COL26A1: variants seen among roughly 807,000 people sequenced by gnomAD.
COL26A1 encodes collagen type XXVI alpha 1 chain, also known as collagen alpha-1(XXVI) chain.
In COL26A1, 41 loss-of-function variants were observed where a neutral mutation model predicts 59.3. The observed-to-expected ratio is 0.69, with a 90% CI of 0.54 to 0.90. The LOEUF (loss-of-function observed/expected upper bound fraction) is 0.90, where lower values mean the gene tolerates loss of function less well. Ranked by LOEUF, COL26A1 falls within the 40% of genes least tolerant of loss-of-function variation. The pLI is 0.00. For missense variants in COL26A1, 612 were observed against 602.3 expected (o/e 1.02, Z -0.17); for synonymous variants, 266 against 256.0 (o/e 1.04, Z -0.37).
chr7:101,548,404 G>A (rs889848221), intron 8 of COL26A1, among the ~76,000 whole-genome samples: 14 of 152,148 alleles, frequency 9.2e-5, no homozygotes, highest in African/African-American at 2.2e-4. Context: ...GACCCAGCCC[G>A]GCCCTCTGGG....
At chr7:101,486,431 T>C (rs1794271009) in intron 3 of COL26A1, among the ~76,000 whole-genome samples, 1 of 152,154 alleles carries the variant, frequency 6.6e-6, no homozygotes, top group African/African-American at 2.4e-5. Flanking sequence ...TTGAGGACAG[T>C]GGGGGCTCCA....
intron 3 of COL26A1, among the ~76,000 whole-genome samples, chr7:101,489,653 C>CTTTCTTTCTTTCTTTCT (rs1794349541): frequency 1.3e-5 from 1 of 74,938 alleles, no homozygotes; most frequent in Admixed American, 1.2e-4. Context: ...TTCTTTCTTT[C>CTTTCTTTCTTTCTTTCT]TTTCTTTCTT....
At chr7:101,546,780 G>A (rs1357748493) in intron 7 of COL26A1, among the ~76,000 whole-genome samples, 1 of 152,142 alleles carries the variant, frequency 6.6e-6, no homozygotes, top group Non-Finnish European at 1.5e-5. Flanking sequence ...GGGTGGGCAT[G>A]GAGGGCTTCC....
intron 3 of COL26A1, among the ~76,000 whole-genome samples, chr7:101,510,404 ATAAAAGTCCCCT>A: frequency 6.6e-6 from 1 of 152,162 alleles, no homozygotes; most frequent in South Asian, 2.1e-4. Flanking sequence ...GTTCACTGTG[ATAAAAGTCCCCT>A]CCTGGGCCCT....
chr7:101,502,779 C>T (rs1388953146), intron 3 of COL26A1, among the ~76,000 whole-genome samples: 1 of 152,244 alleles, frequency 6.6e-6, no homozygotes, highest in Non-Finnish European at 1.5e-5. Context: ...ATGCCCCCCT[C>T]TTGTTGCCAT....
intron 3 of COL26A1, among the ~76,000 whole-genome samples, chr7:101,517,072 C>T (rs1001255699): frequency 7.9e-5 from 12 of 152,126 alleles, no homozygotes; most frequent in African/African-American, 2.9e-4. Flanking sequence ...GACCCTGAGA[C>T]TCAAGGAGTC....
intron 1 of COL26A1, among the ~76,000 whole-genome samples, chr7:101,375,972 T>A (rs12532346): frequency 3.9e-5 from 5 of 129,538 alleles, no homozygotes; most frequent in Non-Finnish European, 7.9e-5. Context: ...GGCGAAAGAG[T>A]GAGACTCCAT....
At chr7:101,420,189 T>G in intron 2 of COL26A1, 90 bp downstream of exon 2, 1 of 1,512,050 alleles carries the variant, frequency 6.6e-7, no homozygotes, top group Non-Finnish European at 9.0e-7. Context: ...GAGGCTGGGC[T>G]GTGCTCACAG....
intron 12 of COL26A1, 26 bp from the exon 13 acceptor site, chr7:101,557,344 A>T: frequency 6.3e-7 from 1 of 1,599,732 alleles, no homozygotes; most frequent in Non-Finnish European, 8.5e-7. Context: ...CTCTACCTCG[A>T]GTCCACCCTC....
chr7:101,497,304 T>C (rs955081212), intron 3 of COL26A1, among the ~76,000 whole-genome samples: 39 of 152,214 alleles, frequency 2.6e-4, no homozygotes, highest in Admixed American at 2.5e-3. Flanking sequence ...AGGCTCCTCC[T>C]GTGTCAAGTT....
In COL26A1 at chr7:101,557,820, T is replaced by G; in HGVS notation, c.*290T>G. ...GGAATGAGAATAATCCTAATACCCA[T>G]CATTTATTGAGTCCCTGCTGTAACT... On this transcript the variant is annotated 3_prime_UTR_variant, in exon 13 of 13. Coordinates refer to ENST00000313669, the MANE Select transcript of COL26A1 (RefSeq NM_001278563.3). 3.1e-6 allele frequency: 1 copy of G among 319,724 alleles called. No homozygotes were observed. The allele number at this position is 319,724 out of a possible 1,614,324, so 19.8% of individuals were successfully genotyped here.
chr7:101,531,885 A>G (rs190673400), intron 3 of COL26A1, among the ~76,000 whole-genome samples: 493 of 152,086 alleles, frequency 3.2e-3, no homozygotes, highest in African/African-American at 0.011. Flanking sequence ...GGGGCCGTGG[A>G]CTGTGCGTGT....
chr7:101,481,680 G>T (rs1225234489), intron 3 of COL26A1, among the ~76,000 whole-genome samples: 1 of 151,366 alleles, frequency 6.6e-6, no homozygotes, highest in Non-Finnish European at 1.5e-5. Context: ...TGACCTCCTG[G>T]CCTCAAGCAA....
At chr7:101,365,225 C>G (rs1354590920) in intron 1 of COL26A1, among the ~76,000 whole-genome samples, 2 of 152,096 alleles carry the variant, frequency 1.3e-5, no homozygotes. Context: ...AAAAAACAAG[C>G]TTTTCAAGTT....
chr7:101,442,076 A>AT (rs1416305347), intron 2 of COL26A1, among the ~76,000 whole-genome samples: 2 of 152,142 alleles, frequency 1.3e-5, no homozygotes, highest in Non-Finnish European at 2.9e-5. Flanking sequence ...GAGGGACCTG[A>AT]TTTTTTGGCA....
At chr7:101,491,892 C>T (rs1433667740) in intron 3 of COL26A1, among the ~76,000 whole-genome samples, 1 of 152,150 alleles carries the variant, frequency 6.6e-6, no homozygotes, top group African/African-American at 2.4e-5. Context: ...CTCATTTTGC[C>T]TAGCTCCTAT....
intron 2 of COL26A1, among the ~76,000 whole-genome samples, chr7:101,427,738 T>C (rs1229207380): frequency 6.6e-6 from 1 of 152,044 alleles, no homozygotes; most frequent in Non-Finnish European, 1.5e-5. Flanking sequence ...ACTCCTGGCC[T>C]CAAGTGATCC....
Position 101,447,712 on chromosome 7 carries a change from A to G in COL26A1, c.310A>G (p.Arg104Gly), listed in dbSNP as rs1361497105. 1 of 1,604,644 alleles carries G rather than the reference A, an allele frequency of 6.2e-7. No homozygotes were observed. Among genetic ancestry groups the G allele is most frequent in the Non-Finnish European group, 8.5e-7 (1 of 1,175,798 alleles). Residue 104 changes from arginine (R) to glycine (G), a missense_variant, in exon 3 of 13, where the codon AGA (arginine) becomes GGA (glycine). By Grantham distance (125) the Arg-to-Gly change is moderately radical. Coordinates refer to ENST00000313669, the MANE Select transcript of COL26A1 (RefSeq NM_001278563.3). Reference protein sequence around the residue: ...SYRTLIRPTYRVSYRTVTVLE... With the variant: ...SYRTLIRPTYGVSYRTVTVLE... ...CAGGACTCTGATCAGACCCACCTAC[A>G]GAGTGTCCTACCGCACGGTGACGGT...
intron 1 of COL26A1, among the ~76,000 whole-genome samples, chr7:101,368,118 A>G (rs1791093436): frequency 6.6e-6 from 1 of 152,110 alleles, no homozygotes; most frequent in Non-Finnish European, 1.5e-5. Flanking sequence ...TTATTTCCAG[A>G]TAATGGGAAA....
Sources: gnomAD v4.1 joint callset for allele counts (sites outside exome capture counted in the v4.1 genomes callset) on GRCh38, gnomAD v4.1.1 for gene constraint, MANE v1.5 for transcripts, NCBI Gene and HGNC (gene_info 2026-07-23, HGNC 2026-07-21) for gene names.